RTL4: variants seen among roughly 807,000 people sequenced by gnomAD.
RTL4 encodes the protein retrotransposon Gag-like protein 4.
RTL4 carries 4 observed loss-of-function variants against 5.3 expected under a neutral mutation model. The ratio of observed to expected loss-of-function variants is 0.75; its 90% CI spans 0.37 to 1.72. The LOEUF (loss-of-function observed/expected upper bound fraction) is 1.72. RTL4 is among the 40% of genes most tolerant of loss of function. The pLI, the probability that RTL4 is intolerant of heterozygous loss-of-function variation, is 0.04. For synonymous variants in RTL4, 98 were observed against 87.3 expected, an observed-to-expected ratio of 1.12 and a Z score of -0.68; for missense variants, 260 against 227.1, an observed-to-expected ratio of 1.14 and a Z score of -0.93.
chrX:112,227,238 C>T, the RTL4 span, among the ~76,000 whole-genome samples: 103 of 111,318 alleles, frequency 9.3e-4, no homozygotes, highest in African/African-American at 3.0e-3. Flanking sequence ...CACCTCTTAC[C>T]TCACCTTCTT....
chrX:112,249,758 C>CAT, the RTL4 span, among the ~76,000 whole-genome samples: 157 of 99,030 alleles, frequency 1.6e-3, no homozygotes, highest in Middle Eastern at 0.01. Flanking sequence ...GAGCCAATTA[C>CAT]ATATATATAT....
the RTL4 span, among the ~76,000 whole-genome samples, chrX:112,336,535 TATG>T: frequency 8.9e-6 from 1 of 112,246 alleles, no homozygotes; most frequent in Non-Finnish European, 1.9e-5. Flanking sequence ...CCATAATGCC[TATG>T]TTTTGCCTAA....
At chrX:112,442,366 G>A in the RTL4 span, among the ~76,000 whole-genome samples, 4 of 108,057 alleles carry the variant, frequency 3.7e-5, no homozygotes, top group Non-Finnish European at 7.7e-5. Context: ...TCAGCCTCAC[G>A]AGTAGCTAGG....
At chrX:112,362,341 T>A in the RTL4 span, among the ~76,000 whole-genome samples, 1 of 111,763 alleles carries the variant, frequency 8.9e-6, no homozygotes, top group Non-Finnish European at 1.9e-5. Flanking sequence ...AGTGAACAGA[T>A]TAATAAGATC....
At chrX:112,169,196 C>T in the RTL4 span, among the ~76,000 whole-genome samples, 6 of 107,762 alleles carry the variant, frequency 5.6e-5, no homozygotes, top group Admixed American at 6.1e-4. Flanking sequence ...CTCACTGCAA[C>T]CTTCGTCTCC....
upstream of RTL4, among the ~76,000 whole-genome samples, chrX:112,453,684 T>G (rs1051050311): frequency 8.9e-6 from 1 of 112,260 alleles, no homozygotes; most frequent in Non-Finnish European, 1.9e-5. Flanking sequence ...TCAAACTAAG[T>G]GCTCTTTAGA....
chrX:112,438,960 G>A, the RTL4 span, among the ~76,000 whole-genome samples: 5 of 111,820 alleles, frequency 4.5e-5, no homozygotes, highest in East Asian at 1.1e-3. Flanking sequence ...CAGTCACTTC[G>A]AAAATCGTCG....
At chrX:112,296,503 G>A in the RTL4 span, among the ~76,000 whole-genome samples, 1 of 111,042 alleles carries the variant, frequency 9.0e-6, no homozygotes, top group Non-Finnish European at 1.9e-5. Context: ...CCCATACTGA[G>A]CAGTTGGTCT....
the RTL4 span, among the ~76,000 whole-genome samples, chrX:112,199,995 C>A: frequency 7.2e-5 from 8 of 111,771 alleles, no homozygotes; most frequent in East Asian, 2.0e-3. Flanking sequence ...TGTTATGTGC[C>A]GGGCACTCTT....
the RTL4 span, among the ~76,000 whole-genome samples, chrX:112,236,206 T>C: frequency 5.5e-5 from 6 of 108,603 alleles, no homozygotes; most frequent in Non-Finnish European, 1.9e-5. Flanking sequence ...CATAACAGCA[T>C]TCTCTCAAAT....
At chrX:112,254,957 G>A in the RTL4 span, among the ~76,000 whole-genome samples, 10 of 111,767 alleles carry the variant, frequency 8.9e-5, no homozygotes, top group African/African-American at 3.2e-4. Flanking sequence ...TTAGTTGCAA[G>A]TAATACAAAA....
the RTL4 span, among the ~76,000 whole-genome samples, chrX:112,419,595 T>TACATATGTATATGTATATATATATA: frequency 7.1e-5 from 2 of 28,161 alleles, 1 homozygote; most frequent in East Asian, 3.0e-3. Context: ...ATATATATAT[T>TACATATGTATATGTATATATATATA]TTTACATATG....
At chrX:112,282,738 T>G in the RTL4 span, among the ~76,000 whole-genome samples, 1 of 111,806 alleles carries the variant, frequency 8.9e-6, no homozygotes, top group Non-Finnish European at 1.9e-5. Flanking sequence ...ATAAGTTTTT[T>G]CATAGCTATG....
At chrX:112,193,117 T>G in the RTL4 span, among the ~76,000 whole-genome samples, 2 of 111,861 alleles carry the variant, frequency 1.8e-5, no homozygotes, top group African/African-American at 6.5e-5. Flanking sequence ...AGAAATCAGT[T>G]GCTGATCTTT....
At chrX:112,394,204 T>G in the RTL4 span, among the ~76,000 whole-genome samples, 2 of 111,085 alleles carry the variant, frequency 1.8e-5, no homozygotes, top group Non-Finnish European at 3.8e-5. Context: ...TCTTCTTGCC[T>G]TCTTGCCTTG....
At chrX:112,140,490 T>G in the RTL4 span, among the ~76,000 whole-genome samples, 2 of 111,790 alleles carry the variant, frequency 1.8e-5, no homozygotes, top group East Asian at 5.7e-4. Context: ...TGCTCACAGT[T>G]TCTAGAGATT....
the RTL4 span, among the ~76,000 whole-genome samples, chrX:112,093,437 AC>A: frequency 9.0e-6 from 1 of 111,363 alleles, no homozygotes; most frequent in Admixed American, 9.5e-5. Flanking sequence ...TCCATCACTG[AC>A]CAGCCAACAT....
the RTL4 span, among the ~76,000 whole-genome samples, chrX:112,201,590 A>C: frequency 1.8e-5 from 2 of 110,186 alleles, no homozygotes; most frequent in Non-Finnish European, 3.8e-5. Context: ...ACTGAAGAGC[A>C]CCTAACCCAC....
At chrX:112,173,723 G>T in the RTL4 span, among the ~76,000 whole-genome samples, 3 of 110,175 alleles carry the variant, frequency 2.7e-5, no homozygotes, top group African/African-American at 9.9e-5. Flanking sequence ...GGAAAGGAAG[G>T]ACTGAGTCAT....
Sources: allele counts gnomAD v4.1 joint callset (sites outside exome capture counted in the v4.1 genomes callset), GRCh38; gene constraint gnomAD v4.1.1; transcripts MANE v1.5; gene names NCBI Gene and HGNC (gene_info 2026-07-23, HGNC 2026-07-21).